The following RAD51D variants were observed in gnomAD, a reference collection of about 807,000 sequenced individuals.
The protein encoded by RAD51D is RAD51 paralog D.
RAD51D carries 38 observed loss-of-function variants against 44.1 expected under a neutral mutation model. The observed-to-expected ratio is 0.86, with a 90% confidence interval of 0.67 to 1.13. The LOEUF is 1.13. RAD51D is among the 50% of genes most tolerant of loss of function. The probability of loss-of-function intolerance (pLI) is 0.00; values close to 1 mark genes in which losing one functional copy is unlikely to be tolerated. For synonymous variants in RAD51D, 141 were observed against 166.6 expected, an observed-to-expected ratio of 0.85 and a Z score of 1.18; for missense variants, 390 against 414.0, an observed-to-expected ratio of 0.94 and a Z score of 0.50.
intron 3 of RAD51D, among the ~76,000 whole-genome samples, chr17:35,116,002 A>AAAGAAAGAAAGAAAGAAAGAAAGAAAGG (rs1491449510): frequency 6.6e-6 from 1 of 150,874 alleles, no homozygotes; most frequent in African/African-American, 2.4e-5. Context: ...AGAAAGAAAG[A>AAAGAAAGAAAGAAAGAAAGAAAGAAAGG]AAGAAAGAAA....
At position 35,098,711 on chromosome 17, in the gene RAD51D, G is replaced by C. The variant is rs894454378; in HGVS notation, c.*2242C>G. On this transcript the variant is annotated 3_prime_UTR_variant, in exon 10 of 10. Transcript: ENST00000345365. ...GTGAGCCACCACACCCAGCCAATGT[G>C]GGAATTAAAAAAAAAAGAGTCCTAG... 5 of 151,706 alleles carry C rather than the reference G, an allele frequency of 3.3e-5. No individual in the cohort carries two copies. The highest frequency in any genetic ancestry group is 1.2e-4 in the African/African-American group (5 of 41,322). 9.4% of individuals were successfully genotyped at this position (151,706 alleles called of 1,614,324 possible). A position where few individuals can be genotyped will look rare whatever the true frequency, so the allele number is the denominator to read the frequency against.
At chr17:35,104,653 G>T (rs914764442) in intron 6 of RAD51D, among the ~76,000 whole-genome samples, 3 of 152,174 alleles carry the variant, frequency 2.0e-5, no homozygotes, top group Admixed American at 6.5e-5. Context: ...CAAAATGCCA[G>T]GATTACAGGC....
At chr17:35,115,960 A>AGAAT (rs2142463760) in intron 3 of RAD51D, among the ~76,000 whole-genome samples, 1 of 132,032 alleles carries the variant, frequency 7.6e-6, no homozygotes, top group South Asian at 2.4e-4. Flanking sequence ...AAGAAAGGAA[A>AGAAT]GAAAGAAAGA....
rs1256721417 is a variant in RAD51D at position 35,119,578 on chromosome 17, A to T, written c.36T>A (p.Leu12=). The change falls in exon 1 of 10, where the codon CTT becomes CTA. Residue 12 remains leucine, a synonymous_variant. Transcript: ENST00000345365. ...TGAGAAGCTGGATCATCTCCTCGGT[A>T]AGGCCAGGGCACAGTCCGACCCTGA... ...GVLRVGLCPG[L]TEEMIQLLRS... is the part of the protein sequence containing the mutation. 1 of 1,612,686 alleles carries T rather than the reference A, an allele frequency of 6.2e-7. No homozygotes were observed. The highest frequency in any genetic ancestry group is 8.5e-7 in the Non-Finnish European group (1 of 1,179,932).
intron 3 of RAD51D, among the ~76,000 whole-genome samples, chr17:35,115,543 A>G (rs549264534): frequency 1.3e-5 from 2 of 152,214 alleles, no homozygotes; most frequent in African/African-American, 4.8e-5. Flanking sequence ...CAAGTTTTAA[A>G]GTTACACCAT....
Position 35,103,912 on chromosome 17 carries a change from C to A in RAD51D, c.577-368G>T, listed in dbSNP as rs1291227051. On this transcript the variant is annotated intron_variant, in intron 6 of 9. Transcript: ENST00000345365. The surrounding 1 kb of genome is among the most constrained non-coding windows in gnomAD (Gnocchi z 4.1). ...GGCCAACATGGTGAAACCCCGTCTC[C>A]ACTAAACATACAAAAATTAGCTGGG... Among the ~76,000 whole-genome samples, 1 of 151,986 alleles carries A rather than the reference C, an allele frequency of 6.6e-6. No individual in the cohort carries two copies. The highest frequency in any genetic ancestry group is 1.5e-5 in the Non-Finnish European group (1 of 68,002).
At position 35,119,745 on chromosome 17, in the gene RAD51D, G is replaced by C. The variant is rs745721591; in HGVS notation, c.-132C>G. On this transcript the variant is annotated 5_prime_UTR_variant, in exon 1 of 10. Transcript: ENST00000345365. ...GGCGCGCTGGCTGCCGGAGGAGAAA[G>C]GAGAGAGGAGGAGGCGGCACCAAGG... The C allele has an allele frequency of 1.0e-5, 9 of 861,246 alleles. No individual in the cohort carries two copies. The Admixed American group carries it at 1.2e-4, about 11-fold the overall frequency. 53.4% of individuals were successfully genotyped at this position (861,246 alleles called of 1,614,324 possible).
intron 3 of RAD51D, among the ~76,000 whole-genome samples, chr17:35,114,352 T>C (rs955709345): frequency 1.1e-4 from 16 of 151,956 alleles, no homozygotes; most frequent in East Asian, 5.8e-4. Flanking sequence ...GTACCCAAAG[T>C]TGTCTGCACA....
At chr17:35,110,581 A>G (rs1186721312) in intron 3 of RAD51D, among the ~76,000 whole-genome samples, 2 of 150,990 alleles carry the variant, frequency 1.3e-5, no homozygotes, top group Admixed American at 6.6e-5. Context: ...CAATTTTTGT[A>G]TAAGGTATAA....
chr17:35,094,764 G>A lies in RAD51D; in HGVS notation c.*6189C>T, dbSNP rs1309579916. ...AGCTTTATGTCCTTAACCTCACTGA[G>A]ATCCCATTTACTGTCTATTAAATGG... is the stretch of plus-strand genomic sequence containing the variant. On this transcript the variant is annotated 3_prime_UTR_variant, in exon 10 of 10. Coordinates refer to ENST00000345365, the MANE Select transcript of RAD51D (RefSeq NM_002878.4). 6.6e-6 allele frequency: 1 copy of A among 152,204 alleles called. No individual in the cohort carries two copies. The highest frequency in any genetic ancestry group is 1.5e-5 in the Non-Finnish European group (1 of 68,050). 9.4% of individuals were successfully genotyped at this position (152,204 alleles called of 1,614,324 possible). A position where few individuals can be genotyped will look rare whatever the true frequency, so the allele number is the denominator to read the frequency against.
At chr17:35,117,255 T>C (rs771472698) in intron 3 of RAD51D, among the ~76,000 whole-genome samples, 3 of 152,194 alleles carry the variant, frequency 2.0e-5, no homozygotes, top group Non-Finnish European at 2.9e-5. Context: ...CAGTGCTTGA[T>C]GGATCACAGA....
chr17:35,107,928 T>A (rs988922518), intron 3 of RAD51D, among the ~76,000 whole-genome samples: 4 of 151,368 alleles, frequency 2.6e-5, no homozygotes, highest in African/African-American at 7.3e-5. Flanking sequence ...CTAGTTTTTT[T>A]AATTAGAGAC....
chr17:35,114,105 T>G (rs1384819325), intron 3 of RAD51D, among the ~76,000 whole-genome samples: 1 of 151,968 alleles, frequency 6.6e-6, no homozygotes, highest in African/African-American at 2.4e-5. Context: ...ACTCCGTCTC[T>G]ACTAAAAATA....
intron 6 of RAD51D, among the ~76,000 whole-genome samples, chr17:35,105,919 T>G (rs1439645523): frequency 6.6e-6 from 1 of 152,160 alleles, no homozygotes; most frequent in Non-Finnish European, 1.5e-5. Flanking sequence ...AATATGGATG[T>G]GGATGTGTGA....
At chr17:35,118,403 A>G in intron 3 of RAD51D, 98 bp downstream of exon 3, 3 of 1,041,166 alleles carry the variant, frequency 2.9e-6, no homozygotes, top group Non-Finnish European at 4.4e-6. Flanking sequence ...TGGTTAAAAA[A>G]AAAACCCCTC....
At position 35,103,496 on chromosome 17, in the gene RAD51D, T is replaced by C. The variant is rs1555567603; in HGVS notation, c.625A>G (p.Thr209Ala). 1 of 1,614,204 alleles carries C rather than the reference T, an allele frequency of 6.2e-7. No homozygotes were observed. The highest frequency in any genetic ancestry group is 2.2e-5 in the East Asian group (1 of 44,888). ...TVKVVVVDSV[T>A]AVVSPLLGGQ... ...CCCAGAAGTGGGGAAACCACCGCAG[T>C]GACCGAGTCCACAACCACCACCTTC... is the stretch of plus-strand genomic sequence containing the variant. Residue 209 changes from threonine to alanine, a missense_variant, in exon 7 of 10, where the codon ACT becomes GCT. Transcript: ENST00000345365. The surrounding 1 kb of genome is among the most constrained non-coding windows in gnomAD (Gnocchi z 4.1).
chr17:35,099,436 A>G lies in RAD51D; in HGVS notation c.*1517T>C, dbSNP rs1418190302. ...GCAAGAATTTGCAATTTCCAGCTTC[A>G]TGTATTGCATCTTACTGTGGTTGCA... On this transcript the variant is annotated 3_prime_UTR_variant, in exon 10 of 10. Transcript: ENST00000345365. 5.4e-6 allele frequency: 1 copy of G among 185,352 alleles called. No homozygotes were observed. The highest frequency in any genetic ancestry group is 1.2e-4 in the East Asian group (1 of 8,332). 11.5% of individuals were successfully genotyped at this position (185,352 alleles called of 1,614,324 possible).
At chr17:35,115,956 G>GGAAAGAAA (rs71147458) in intron 3 of RAD51D, among the ~76,000 whole-genome samples, 12,097 of 64,426 alleles carry the variant, frequency 0.19, 1,676 homozygotes, top group African/African-American at 0.23. Context: ...AAGGAAGAAA[G>GGAAAGAAA]GAAAGAAAGA....
intron 3 of RAD51D, among the ~76,000 whole-genome samples, chr17:35,113,038 C>T (rs1328373183): frequency 1.3e-5 from 2 of 152,160 alleles, no homozygotes; most frequent in African/African-American, 4.8e-5. Context: ...AATTCCTAAA[C>T]CAGGTTCTCT....
Sources: gnomAD v4.1 joint callset for allele counts (sites outside exome capture counted in the v4.1 genomes callset) on GRCh38, gnomAD v4.1.1 for gene constraint, Gnocchi (gnomAD v3.1) non-coding constraint, MANE v1.5 for transcripts, NCBI Gene and HGNC (gene_info 2026-07-23, HGNC 2026-07-21) for gene names.